The following GNL3L variants were observed in gnomAD, a reference collection of about 807,000 sequenced individuals.
The protein encoded by GNL3L is guanine nucleotide-binding protein-like 3-like protein.
A neutral mutation model predicts 42.9 loss-of-function variants in GNL3L; 4 were observed. That is an observed-to-expected ratio of 0.09 (90% CI 0.05 to 0.21). GNL3L has a LOEUF of 0.21. GNL3L is among the 10% of genes least tolerant of loss of function. GNL3L has a pLI of 1.00. For synonymous variants in GNL3L, 159 were observed against 176.3 expected, an observed-to-expected ratio of 0.90 and a Z score of 0.78; for missense variants, 412 against 481.7, an observed-to-expected ratio of 0.86 and a Z score of 1.36.
chrX:54,588,686 G>A (rs958769336), intron 16 of GNL3L, among the ~76,000 whole-genome samples: 18 of 111,498 alleles, frequency 1.6e-4, no homozygotes, highest in African/African-American at 5.2e-4. Context: ...CTAGCCAGGC[G>A]TGGTGGCACA....
chrX:54,617,343 G>A (rs1056115774), intron 16 of GNL3L, among the ~76,000 whole-genome samples: 11 of 111,715 alleles, frequency 9.8e-5, no homozygotes, highest in Non-Finnish European at 1.9e-4. Context: ...TCACACTTAC[G>A]TTTCCTCACC....
chrX:54,546,134 T>C (rs1374033831), intron 8 of GNL3L, among the ~76,000 whole-genome samples: 1 of 112,768 alleles, frequency 8.9e-6, no homozygotes, highest in Non-Finnish European at 1.9e-5. Flanking sequence ...GTGCGGAGAT[T>C]ACAGGCGTAA....
chrX:54,545,194 G>T (rs1438212758), intron 8 of GNL3L, among the ~76,000 whole-genome samples: 3 of 109,842 alleles, frequency 2.7e-5, no homozygotes, highest in Non-Finnish European at 5.7e-5. Context: ...GGGATTACAG[G>T]CGTGAGCCAC....
rs1353265332 is a variant in GNL3L at position 54,566,501 on chromosome X, C to T, written c.*5899C>T. On this transcript the variant is annotated 3_prime_UTR_variant, in exon 16 of 16. Transcript: ENST00000360845. ...AACCCCTTCTGCCCACAACCTCTGGCGACTGCCATGCTACTTTCTGTCTCT... is the reference window on the plus strand; with the variant it reads ...AACCCCTTCTGCCCACAACCTCTGGTGACTGCCATGCTACTTTCTGTCTCT... Among the ~76,000 whole-genome samples, 2 of 112,086 alleles carry T rather than the reference C, an allele frequency of 1.8e-5. No individual in the cohort carries two copies. The highest frequency in any genetic ancestry group is 6.5e-5 in the African/African-American group (2 of 30,840).
rs142270401 is a variant in GNL3L at position 54,539,061 on chromosome X, G to C, written c.41G>C (p.Gly14Ala). ...GTAGAAAATAAAAAGCCAGGTGAAG[G>C]TTCCAAGGGCCACAAGAAGATAAGT... Reference protein sequence around the residue: ...LRHKNKKPGEGSKGHKKISWP... With the variant: ...LRHKNKKPGEASKGHKKISWP... The change falls in exon 3 of 16, where the codon GGT (glycine) becomes GCT (alanine). Residue 14 changes from glycine (G) to alanine (A), a missense_variant. Physicochemically the swap from Gly to Ala is moderately conservative, Grantham distance 60. Coordinates refer to ENST00000360845, the MANE Select transcript of GNL3L (RefSeq NM_001184819.2). 5 of 1,161,591 alleles carry C rather than the reference G, an allele frequency of 4.3e-6. No individual in the cohort carries two copies. The East Asian group carries it at 1.5e-4, about 35-fold the overall frequency.
intron 1 of GNL3L, among the ~76,000 whole-genome samples, chrX:54,531,157 ACAGT>A (rs983411212): frequency 1.8e-5 from 2 of 112,011 alleles, no homozygotes; most frequent in African/African-American, 3.2e-5. Context: ...CCATGAAGAG[ACAGT>A]CAGGTCTGCC....
At chrX:54,630,701 T>C in the GNL3L span, among the ~76,000 whole-genome samples, 5,938 of 20,110 alleles carry the variant, frequency 0.3, 561 homozygotes, top group Middle Eastern at 0.43. Context: ...TTCCTTCCTT[T>C]CTTTCTTTTT....
At chrX:54,540,906 C>T (rs1349834837) in intron 4 of GNL3L, among the ~76,000 whole-genome samples, 1 of 111,287 alleles carries the variant, frequency 9.0e-6, no homozygotes, top group Non-Finnish European at 1.9e-5. Flanking sequence ...ATCCACCTGC[C>T]TTGGCCTCCC....
intron 16 of GNL3L, among the ~76,000 whole-genome samples, chrX:54,585,309 T>C (rs752729922): frequency 8.1e-5 from 9 of 111,598 alleles, no homozygotes; most frequent in African/African-American, 1.3e-4. Flanking sequence ...CCCTTATTTT[T>C]TTTTTAGAAG....
chrX:54,596,248 T>C (rs770838729), intron 16 of GNL3L, among the ~76,000 whole-genome samples: 1 of 112,000 alleles, frequency 8.9e-6, no homozygotes, highest in East Asian at 2.8e-4. Flanking sequence ...AAGTTAGGTG[T>C]GATCTAAGTT....
At chrX:54,596,657 G>A (rs766808088) in intron 16 of GNL3L, among the ~76,000 whole-genome samples, 1 of 112,068 alleles carries the variant, frequency 8.9e-6, no homozygotes, top group Non-Finnish European at 1.9e-5. Flanking sequence ...AGTTACCCCA[G>A]GCTCTGGGCA....
At chrX:54,588,334 A>T (rs1925816489) in intron 16 of GNL3L, among the ~76,000 whole-genome samples, 1 of 112,356 alleles carries the variant, frequency 8.9e-6, no homozygotes, top group Non-Finnish European at 1.9e-5. Flanking sequence ...TTGTAATGTT[A>T]GTTGTATGTT....
intron 2 of GNL3L, among the ~76,000 whole-genome samples, chrX:54,534,793 T>C (rs760655943): frequency 2.6e-4 from 29 of 110,957 alleles, no homozygotes; most frequent in Non-Finnish European, 4.2e-4. Flanking sequence ...CTTCTCCTTT[T>C]TCCCTCCCCC....
rs1438715616 is a variant in GNL3L, at chrX:54,551,919, G to A, written c.1126G>A (p.Gly376Arg). ...CCACCGTTTGGGGAAGAAGAAGAAG[G>A]GAGGCTTATATAGTCAGGAACAGGC... The part of the protein sequence containing the change: ...VAHRLGKKKK[G>R]GLYSQEQAAK... Residue 376 changes from glycine (G) to arginine (R), a missense_variant, in exon 12 of 16, where the codon GGA (glycine) becomes AGA (arginine). Gly to Arg is a moderately radical substitution (Grantham distance 125). Coordinates refer to ENST00000360845, the MANE Select transcript of GNL3L (RefSeq NM_001184819.2). 1.7e-6 allele frequency: 2 copies of A among 1,211,398 alleles called. No individual in the cohort carries two copies. The highest frequency in any genetic ancestry group is 1.8e-5 in the South Asian group (1 of 57,003).
intron 9 of GNL3L, among the ~76,000 whole-genome samples, 185 bp from the exon 10 acceptor site, chrX:54,550,778 G>C (rs1218412031): frequency 9.0e-6 from 1 of 111,512 alleles, no homozygotes; most frequent in Non-Finnish European, 1.9e-5. Flanking sequence ...CAAATGGAGG[G>C]GAGAGGTAGA....
intron 8 of GNL3L, among the ~76,000 whole-genome samples, 174 bp downstream of exon 8, chrX:54,544,500 A>C (rs1601979927): frequency 2.2e-5 from 2 of 93,003 alleles, no homozygotes; most frequent in East Asian, 3.3e-4. Context: ...ATGGAGTTTC[A>C]CTCTTATTGC....
intron 16 of GNL3L, among the ~76,000 whole-genome samples, chrX:54,604,876 C>T (rs12832369): frequency 0.12 from 13,545 of 111,284 alleles, 794 homozygotes; most frequent in East Asian, 0.4. Flanking sequence ...GAGAATTAAA[C>T]GGATGAGTAC....
In GNL3L at chrX:54,607,137, CTTTG is replaced by C. The variant is rs1344345238; in HGVS notation, c.*46-13706_*46-13703del. ...TCTTTCTTTCTTTCTTTCTTTCTTTCTTTGTCTCTCTCTCTCTCTCTTTCTTTCT... is the reference window on the plus strand; with the variant it reads ...TCTTTCTTTCTTTCTTTCTTTCTTTCTCTCTCTCTCTCTCTCTTTCTTTCT... On this transcript the variant is annotated intron_variant, in intron 16 of 16. Transcript: ENST00000674498. Among the ~76,000 whole-genome samples, 83 of 76,889 alleles carry C rather than the reference CTTTG, an allele frequency of 1.1e-3. 4 individuals are homozygous for C. The highest frequency in any genetic ancestry group is 4.5e-3 in the African/African-American group (76 of 17,020). The allele number at this position is 76,889 out of a possible 115,157, so 66.8% of individuals were successfully genotyped here.
At chrX:54,598,802 A>G (rs1227894939) in intron 16 of GNL3L, among the ~76,000 whole-genome samples, 1 of 111,905 alleles carries the variant, frequency 8.9e-6, no homozygotes, top group East Asian at 2.8e-4. Context: ...AGAGATGTCA[A>G]TAGGTAATTC....
Sources: gnomAD v4.1 joint callset for allele counts (sites outside exome capture counted in the v4.1 genomes callset) on GRCh38, gnomAD v4.1.1 for gene constraint, MANE v1.5 for transcripts, NCBI Gene and HGNC (gene_info 2026-07-23, HGNC 2026-07-21) for gene names.